The following SLIT3 variants were observed in gnomAD, a reference collection of about 807,000 sequenced individuals.
SLIT3 encodes the protein slit guidance ligand 3, also known as slit homolog 3 protein.
Under a neutral mutation model 184.0 loss-of-function variants are expected in SLIT3, and 68 were observed. The observed-to-expected ratio is 0.37, with a 90% CI of 0.30 to 0.45. The LOEUF is 0.45. Ranked by LOEUF, SLIT3 falls within the 20% of genes least tolerant of loss-of-function variation. The probability of loss-of-function intolerance (pLI) is 1.00; values close to 1 mark genes in which losing one functional copy is unlikely to be tolerated. For missense variants in SLIT3, 1,707 were observed against 2,026.0 expected, an observed-to-expected ratio of 0.84 and a Z score of 3.02; for synonymous variants, 831 against 828.6, an observed-to-expected ratio of 1.00 and a Z score of -0.05.
intron 3 of SLIT3, among the ~76,000 whole-genome samples, chr5:169,203,769 G>C (rs927042220): frequency 6.6e-6 from 1 of 152,134 alleles, no homozygotes; most frequent in African/African-American, 2.4e-5. Context: ...GGCAAGGCAA[G>C]AGAGAAAAGG....
intron 20 of SLIT3, among the ~76,000 whole-genome samples, chr5:168,735,263 T>C (rs1344984453): frequency 1.3e-5 from 2 of 152,200 alleles, no homozygotes; most frequent in African/African-American, 4.8e-5. Flanking sequence ...GTGTTCCCCA[T>C]TCCTGTTTGG....
intron 9 of SLIT3, among the ~76,000 whole-genome samples, chr5:168,798,599 C>A (rs1346855076): frequency 6.6e-6 from 1 of 152,164 alleles, no homozygotes; most frequent in Non-Finnish European, 1.5e-5. Context: ...CACCCAGCCC[C>A]TCCTGGAGTG....
At chr5:168,790,598 C>T (rs1196775550) in intron 10 of SLIT3, 1 of 152,158 alleles carries the variant, frequency 6.6e-6, no homozygotes, top group Non-Finnish European at 1.5e-5. Context: ...GAGAGATGCT[C>T]CAATTTCCTG....
At chr5:168,778,066 C>T (rs1561927843) in intron 12 of SLIT3, among the ~76,000 whole-genome samples, 1 of 152,140 alleles carries the variant, frequency 6.6e-6, no homozygotes, top group South Asian at 2.1e-4. Context: ...CCCCTTTTTG[C>T]AGCAGAGATT....
At chr5:168,724,532 A>G in intron 20 of SLIT3, 48 bp from the exon 21 acceptor site, 1 of 1,529,544 alleles carries the variant, frequency 6.5e-7, no homozygotes, top group South Asian at 1.2e-5. Context: ...ACACTGTACA[A>G]ATTCTCACCT....
intron 5 of SLIT3, among the ~76,000 whole-genome samples, chr5:168,874,922 C>A (rs1759675129): frequency 6.6e-6 from 1 of 152,168 alleles, no homozygotes; most frequent in East Asian, 1.9e-4. Context: ...CATGTCTCCC[C>A]CTGTAGACAA....
chr5:168,800,821 TA>T (rs1756742403), intron 9 of SLIT3, among the ~76,000 whole-genome samples: 1 of 152,180 alleles, frequency 6.6e-6, no homozygotes, highest in Admixed American at 6.5e-5. Flanking sequence ...CAGAGGAAAT[TA>T]TTTTTTTGTC....
chr5:168,886,670 G>C (rs945116576), intron 4 of SLIT3, among the ~76,000 whole-genome samples: 1 of 152,110 alleles, frequency 6.6e-6, no homozygotes, highest in Non-Finnish European at 1.5e-5. Context: ...GATTGGAGTA[G>C]GGTGCAGGAG....
At chr5:169,139,497 G>C (rs1350892631) in intron 4 of SLIT3, among the ~76,000 whole-genome samples, 1 of 152,164 alleles carries the variant, frequency 6.6e-6, no homozygotes, top group South Asian at 2.1e-4. Flanking sequence ...GGGTTACACA[G>C]CTAGCCAGCA....
intron 4 of SLIT3, among the ~76,000 whole-genome samples, chr5:169,172,364 C>G (rs1001693294): frequency 2.0e-5 from 3 of 152,106 alleles, no homozygotes; most frequent in Non-Finnish European, 4.4e-5. Flanking sequence ...TTCTTAACAC[C>G]AGTCCTATAA....
chr5:169,027,822 A>C (rs917386241), intron 4 of SLIT3, among the ~76,000 whole-genome samples: 1 of 152,188 alleles, frequency 6.6e-6, no homozygotes, highest in African/African-American at 2.4e-5. Flanking sequence ...TCCAAACCTA[A>C]ACAGCCCCTG....
chr5:169,098,384 G>A (rs868651480), intron 4 of SLIT3, among the ~76,000 whole-genome samples: 10 of 152,122 alleles, frequency 6.6e-5, no homozygotes, highest in Admixed American at 2.6e-4. Flanking sequence ...ATGTGAATCC[G>A]CTATTAGTAG....
chr5:169,080,541 C>T (rs1758991292), intron 4 of SLIT3, among the ~76,000 whole-genome samples: 1 of 152,124 alleles, frequency 6.6e-6, no homozygotes, highest in Non-Finnish European at 1.5e-5. Flanking sequence ...CCTGCCGGCA[C>T]CAGCTGTGTT....
chr5:169,133,747 C>A (rs1191532120), intron 4 of SLIT3, among the ~76,000 whole-genome samples: 1 of 152,024 alleles, frequency 6.6e-6, no homozygotes, highest in African/African-American at 2.4e-5. Context: ...GACAAGTTGG[C>A]ATAAAGACAA....
intron 4 of SLIT3, among the ~76,000 whole-genome samples, chr5:168,922,003 T>C (rs537524808): frequency 2.0e-5 from 3 of 152,316 alleles, no homozygotes; most frequent in South Asian, 4.1e-4. Context: ...GAATTTTCTA[T>C]ATTAATCCAT....
intron 10 of SLIT3, among the ~76,000 whole-genome samples, chr5:168,795,215 G>A (rs894362469): frequency 6.6e-6 from 1 of 152,210 alleles, no homozygotes; most frequent in Admixed American, 6.5e-5. Context: ...AGTATAAATG[G>A]TGAAATGGAT....
rs1396178793 is a variant in SLIT3 at position 169,117,015 on chromosome 5, G to A, written c.413+76464C>T. Among the ~76,000 whole-genome samples, 6 of 152,200 alleles carry A rather than the reference G, an allele frequency of 3.9e-5. No individual in the cohort carries two copies. In the East Asian group the frequency reaches 9.7e-4, roughly 25 times the overall value. ...ATTCACTCCCACAATATCCAGCAGGGGGCAGGGAGCAGGGGGCTTGAAAGG... is the reference window on the plus strand; with the variant it reads ...ATTCACTCCCACAATATCCAGCAGGAGGCAGGGAGCAGGGGGCTTGAAAGG... On this transcript the variant is annotated intron_variant, in intron 4 of 35. Coordinates refer to ENST00000519560, the MANE Select transcript of SLIT3 (RefSeq NM_003062.4).
intron 2 of SLIT3, among the ~76,000 whole-genome samples, chr5:169,249,600 A>T (rs901210986): frequency 8.1e-6 from 1 of 123,220 alleles, no homozygotes; most frequent in Non-Finnish European, 1.5e-5. Flanking sequence ...GGAAATAAAT[A>T]AAAAAAAATA....
chr5:169,138,758 A>G (rs1464975437), intron 4 of SLIT3, among the ~76,000 whole-genome samples: 2 of 152,226 alleles, frequency 1.3e-5, no homozygotes, highest in Non-Finnish European at 2.9e-5. Flanking sequence ...CGCATGGCAC[A>G]CTTGCATGGC....
Sources: allele counts gnomAD v4.1 joint callset (sites outside exome capture counted in the v4.1 genomes callset), GRCh38; gene constraint gnomAD v4.1.1; transcripts MANE v1.5; gene names NCBI Gene and HGNC (gene_info 2026-07-23, HGNC 2026-07-21).